Variants in PTPRD observed in about 807,000 individuals in gnomAD.
PTPRD encodes the protein protein tyrosine phosphatase receptor type D, also known as receptor-type tyrosine-protein phosphatase delta.
Under a neutral mutation model 214.5 loss-of-function variants are expected in PTPRD, and 34 were observed. The observed-to-expected ratio is 0.16, with a 90% CI of 0.12 to 0.21. The LOEUF (loss-of-function observed/expected upper bound fraction) is 0.21, where lower values mean the gene tolerates loss of function less well. Among genes scored for constraint, PTPRD ranks in the 10% least tolerant of loss-of-function variants. The pLI is 1.00. For missense variants in PTPRD, 2,545 were observed against 2,398.7 expected, an observed-to-expected ratio of 1.06 and a Z score of -1.27; for synonymous variants, 1,128 against 845.7, an observed-to-expected ratio of 1.33 and a Z score of -5.79.
intron 6 of PTPRD, among the ~76,000 whole-genome samples, chr9:9,741,567 T>A (rs889416719): frequency 1.3e-5 from 2 of 152,182 alleles, no homozygotes; most frequent in Admixed American, 6.5e-5. Context: ...CAACCCATCA[T>A]CTACATTAGG....
At chr9:10,280,938 CCCAGGTGTGCTAATG>C (rs1369345765) in intron 3 of PTPRD, among the ~76,000 whole-genome samples, 1 of 152,054 alleles carries the variant, frequency 6.6e-6, no homozygotes, top group Non-Finnish European at 1.5e-5. Context: ...TTAAAAAGTT[CCCAGGTGTGCTAATG>C]CCAGTGGTTC....
chr9:9,734,062 A>C (rs1034752268), intron 7 of PTPRD, among the ~76,000 whole-genome samples: 2 of 152,194 alleles, frequency 1.3e-5, no homozygotes, highest in East Asian at 1.9e-4. Context: ...CAGTGTGTTC[A>C]GTGTGTTTCT....
chr9:10,407,290 A>ATTT (rs1359644297), intron 2 of PTPRD, among the ~76,000 whole-genome samples: 1 of 151,574 alleles, frequency 6.6e-6, no homozygotes, highest in Non-Finnish European at 1.5e-5. Context: ...ATGGTGTGAT[A>ATTT]ATTGGATGAA....
In PTPRD at chr9:9,789,321, G is replaced by T. The variant is rs550942435; in HGVS notation, c.-367-22470C>A. Among the ~76,000 whole-genome samples the T allele has an allele frequency of 2.0e-4, 30 of 152,306 alleles. No homozygotes were observed. In the South Asian group the frequency reaches 5.8e-3, roughly 29 times the overall value. On this transcript the variant is annotated intron_variant, in intron 5 of 45. Coordinates refer to ENST00000381196, the MANE Select transcript of PTPRD (RefSeq NM_002839.4). The stretch of plus-strand genomic sequence containing the variant: ...GTTCCCGTAGCGTATGAGATTTTCA[G>T]TGCGTAACTATTCAAGCTTGGGAAG...
intron 9 of PTPRD, among the ~76,000 whole-genome samples, chr9:9,266,368 C>G (rs184592446): frequency 9.9e-5 from 15 of 151,368 alleles, no homozygotes; most frequent in African/African-American, 2.7e-4. Flanking sequence ...AAAGTGAATA[C>G]TGGATTTTAA....
In PTPRD at chr9:10,064,865, A is replaced by G. The variant is rs199597351; in HGVS notation, c.-544-31075T>C. ...TGTTTGAATTACTTAAAAGAAAACT[A>G]GAGTTGCTATTTTATGGCCTTGGCC... On this transcript the variant is annotated intron_variant, in intron 3 of 45. Coordinates refer to ENST00000381196, the MANE Select transcript of PTPRD (RefSeq NM_002839.4). 3.9e-5 allele frequency among the ~76,000 whole-genome samples: 6 copies of G among 152,192 alleles called. No individual in the cohort carries two copies. The East Asian group carries it at 9.7e-4, about 25-fold the overall frequency.
chr9:10,503,205 A>AAC (rs2044449032), intron 2 of PTPRD, among the ~76,000 whole-genome samples: 1 of 134,736 alleles, frequency 7.4e-6, no homozygotes, highest in South Asian at 2.2e-4. Flanking sequence ...AAAAAAAAAA[A>AAC]AACAAAAAAA....
intron 2 of PTPRD, among the ~76,000 whole-genome samples, chr9:10,493,743 C>T (rs1294496335): frequency 2.6e-5 from 4 of 152,030 alleles, no homozygotes; most frequent in African/African-American, 7.2e-5. Context: ...TAAGATTTCC[C>T]CCATAGAATA....
At position 8,930,228 on chromosome 9, in the gene PTPRD, T is replaced by TG. The variant is rs2098942678; in HGVS notation, c.-104+88468dup. Among the ~76,000 whole-genome samples the TG allele has an allele frequency of 2.0e-5, 3 of 151,878 alleles. No homozygotes were observed. The South Asian group carries it at 6.2e-4, about 31-fold the overall frequency. ...ATGTGGTGTTTGGTTTTTTTGTCCT[T>TG]GCGATAGTTTGCTGAGAATGATGGT... On this transcript the variant is annotated intron_variant, in intron 11 of 45. Transcript: ENST00000381196.
At chr9:9,525,070 G>T (rs2073786109) in intron 8 of PTPRD, among the ~76,000 whole-genome samples, 1 of 152,152 alleles carries the variant, frequency 6.6e-6, no homozygotes, top group African/African-American at 2.4e-5. Flanking sequence ...TGTTAGCCAG[G>T]ATGGTCTCGA....
chr9:8,896,391 T>C (rs758110945), intron 11 of PTPRD, among the ~76,000 whole-genome samples: 1 of 152,150 alleles, frequency 6.6e-6, no homozygotes, highest in Non-Finnish European at 1.5e-5. Context: ...TTGTGGTTTG[T>C]TCATTTGCTG....
intron 11 of PTPRD, among the ~76,000 whole-genome samples, chr9:8,896,466 C>A (rs1435143157): frequency 6.6e-6 from 1 of 152,020 alleles, no homozygotes; most frequent in Non-Finnish European, 1.5e-5. Context: ...ATATAGAACA[C>A]AAAAGTCAAC....
chr9:8,348,596 G>A (rs991405431), intron 39 of PTPRD, among the ~76,000 whole-genome samples: 1 of 152,002 alleles, frequency 6.6e-6, no homozygotes, highest in Non-Finnish European at 1.5e-5. Context: ...TAACTTGGAG[G>A]TTCAAAAATT....
intron 11 of PTPRD, among the ~76,000 whole-genome samples, chr9:8,945,299 A>T (rs751143075): frequency 2.0e-5 from 3 of 151,298 alleles, no homozygotes; most frequent in Non-Finnish European, 4.4e-5. Flanking sequence ...AGGTTTCTTT[A>T]TTTAGAATAA....
At position 8,449,715 on chromosome 9, in the gene PTPRD, T is replaced by C. The variant is rs1458478323; in HGVS notation, c.3988+10A>G. The C allele has an allele frequency of 3.1e-6, 5 of 1,612,010 alleles. No homozygotes were observed. The highest frequency in any genetic ancestry group is 3.3e-5 in the Admixed American group (2 of 60,014). Reference sequence around the variant, plus strand: ...GACTGTGTGTGGATTAGATGTGTGATGCTTCTTACCCGGTGTTTGAAAGTT... The same window carrying C: ...GACTGTGTGTGGATTAGATGTGTGACGCTTCTTACCCGGTGTTTGAAAGTT... On this transcript the variant is annotated intron_variant, in intron 34 of 45. Coordinates refer to ENST00000381196, the MANE Select transcript of PTPRD (RefSeq NM_002839.4).
chr9:9,002,969 G>C (rs1184990630), intron 11 of PTPRD, among the ~76,000 whole-genome samples: 1 of 151,974 alleles, frequency 6.6e-6, no homozygotes, highest in Non-Finnish European at 1.5e-5. Flanking sequence ...TTTTGTGAGT[G>C]GGACTACTGC....
intron 2 of PTPRD, among the ~76,000 whole-genome samples, chr9:10,361,376 C>T (rs139284401): frequency 1.3e-5 from 2 of 152,204 alleles, no homozygotes; most frequent in African/African-American, 4.8e-5. Flanking sequence ...CACAGATTTT[C>T]AGAAAGGGTT....
intron 8 of PTPRD, among the ~76,000 whole-genome samples, chr9:9,409,076 A>G (rs894186887): frequency 6.6e-6 from 1 of 151,950 alleles, no homozygotes; most frequent in Non-Finnish European, 1.5e-5. Context: ...TCTTTATTCT[A>G]GAATATTCTT....
At position 10,313,113 on chromosome 9, in the gene PTPRD, T is replaced by C. The variant is rs368653953; in HGVS notation, c.-545+27850A>G. 8.6e-5 allele frequency among the ~76,000 whole-genome samples: 13 copies of C among 151,938 alleles called. 1 individual carries two copies. The highest frequency in any genetic ancestry group is 3.1e-4 in the African/African-American group (13 of 41,508). Reference sequence around the variant, plus strand: ...TAGCAATCTCCATAGGCAAAACCTTTCTGAAGACCAGATTGGAACAGAAAT... The same window carrying C: ...TAGCAATCTCCATAGGCAAAACCTTCCTGAAGACCAGATTGGAACAGAAAT... On this transcript the variant is annotated intron_variant, in intron 3 of 45. Transcript: ENST00000381196.
Sources: allele counts gnomAD v4.1 joint callset (sites outside exome capture counted in the v4.1 genomes callset), GRCh38; gene constraint gnomAD v4.1.1; transcripts MANE v1.5; gene names NCBI Gene and HGNC (gene_info 2026-07-23, HGNC 2026-07-21).